The following MYBL1 variants were observed in gnomAD, a reference collection of about 807,000 sequenced individuals.
MYBL1 encodes MYB proto-oncogene like 1.
In MYBL1, 17 loss-of-function variants were observed where a neutral mutation model predicts 96.3. That is an observed-to-expected ratio of 0.18 (90% CI 0.12 to 0.26). MYBL1 has a LOEUF of 0.26. MYBL1 is among the 10% of genes least tolerant of loss of function. The pLI is 1.00. For missense variants in MYBL1, 701 were observed against 882.9 expected, an observed-to-expected ratio of 0.79 and a Z score of 2.61; for synonymous variants, 282 against 292.7, an observed-to-expected ratio of 0.96 and a Z score of 0.37.
intron 8 of MYBL1, among the ~76,000 whole-genome samples, chr8:66,592,192 G>A (rs1029961789): frequency 3.9e-5 from 6 of 152,078 alleles, no homozygotes; most frequent in African/African-American, 1.4e-4. Flanking sequence ...TTGAGCCCAG[G>A]AGGTCAAGGC....
intron 4 of MYBL1, among the ~76,000 whole-genome samples, chr8:66,598,223 T>C (rs926962396): frequency 5.9e-5 from 9 of 152,144 alleles, no homozygotes; most frequent in Non-Finnish European, 1.0e-4. Context: ...TTTTAAAACT[T>C]AGGAGTAGCC....
intron 10 of MYBL1, among the ~76,000 whole-genome samples, chr8:66,574,381 T>C (rs553953699): frequency 7.2e-5 from 11 of 152,296 alleles, no homozygotes; most frequent in African/African-American, 2.6e-4. Flanking sequence ...ACTGCTAGTA[T>C]GCCCAAGCCT....
chr8:66,602,699 C>CTATATATATATA (rs67236935), intron 1 of MYBL1, among the ~76,000 whole-genome samples, 176 bp from the exon 2 acceptor site: 8 of 27,272 alleles, frequency 2.9e-4, no homozygotes, highest in African/African-American at 9.1e-4. Context: ...TGGGGTGGAG[C>CTATATATATATA]TATATATATA....
At chr8:66,580,821 T>C (rs1431330294) in intron 8 of MYBL1, among the ~76,000 whole-genome samples, 3 of 152,038 alleles carry the variant, frequency 2.0e-5, no homozygotes, top group Admixed American at 2.0e-4. Flanking sequence ...TATCTATTAA[T>C]AAAATGCTCT....
intron 12 of MYBL1, among the ~76,000 whole-genome samples, chr8:66,567,844 A>G (rs1808567058): frequency 6.6e-6 from 1 of 152,118 alleles, no homozygotes; most frequent in Non-Finnish European, 1.5e-5. Flanking sequence ...CGGGTGGATC[A>G]TGAAGTCAAG....
Position 66,612,948 on chromosome 8 carries a change from C to A in MYBL1, c.-110G>T. 8.2e-7 allele frequency: 1 copy of A among 1,222,808 alleles called. No homozygotes were observed. Among genetic ancestry groups the A allele is most frequent in the Non-Finnish European group, 1.1e-6 (1 of 940,972 alleles). The allele number at this position is 1,222,808 out of a possible 1,614,324, so 75.7% of individuals were successfully genotyped here. On this transcript the variant is annotated 5_prime_UTR_variant, in exon 1 of 16. Transcript: ENST00000522677. Reference sequence around the variant, plus strand: ...CCTCTAGCCGCTTCCCTCGCTCCCTCTGGAGGCGGCCGAGTGCGGAACGCA... The same window carrying A: ...CCTCTAGCCGCTTCCCTCGCTCCCTATGGAGGCGGCCGAGTGCGGAACGCA...
intron 1 of MYBL1, among the ~76,000 whole-genome samples, chr8:66,607,162 T>C (rs1392366442): frequency 6.6e-6 from 1 of 151,636 alleles, no homozygotes; most frequent in Admixed American, 6.6e-5. Context: ...TCTACAGGCT[T>C]GATTAAATAT....
At chr8:66,564,890 C>A in intron 15 of MYBL1, 65 bp from the exon 16 acceptor site, 1 of 1,093,602 alleles carries the variant, frequency 9.1e-7, no homozygotes, top group Non-Finnish European at 1.2e-6. Flanking sequence ...CACAATTAGA[C>A]TCTTAAAGTC....
chr8:66,598,908 A>C, intron 4 of MYBL1, 142 bp downstream of exon 4: 1 of 435,352 alleles, frequency 2.3e-6, no homozygotes, highest in Non-Finnish European at 3.8e-6. Context: ...CCAGACACTT[A>C]ACATTCAATT....
At position 66,562,571 on chromosome 8, in the gene MYBL1, T is replaced by G. The variant is rs944851440; in HGVS notation, c.*2126A>C. The G allele has an allele frequency of 6.6e-6, 1 of 152,614 alleles. No homozygotes were observed. Among genetic ancestry groups the G allele is most frequent in the African/African-American group, 2.4e-5 (1 of 41,456 alleles). 9.5% of individuals were successfully genotyped at this position (152,614 alleles called of 1,614,324 possible). The stretch of plus-strand genomic sequence containing the variant: ...CAGACTTATCCACAATATATTACCA[T>G]TTAGGATAATTTAATGCTCAAGAAA... On this transcript the variant is annotated 3_prime_UTR_variant, in exon 16 of 16. Coordinates refer to ENST00000522677, the MANE Select transcript of MYBL1 (RefSeq NM_001080416.4).
intron 8 of MYBL1, among the ~76,000 whole-genome samples, chr8:66,583,203 C>T (rs1809286096): frequency 1.3e-5 from 2 of 151,996 alleles, no homozygotes; most frequent in African/African-American, 2.4e-5. Context: ...CTTTTGAAAT[C>T]GTAAACGGAA....
Position 66,601,667 on chromosome 8 carries a change from T to A in MYBL1, c.198+31A>T, listed in dbSNP as rs1810078425. ...TTAACCCAATGCCTTAAACCAGCCA[T>A]GTTAGAAATATAATTTAATATTTCA... On this transcript the variant is annotated intron_variant, in intron 3 of 15. Coordinates refer to ENST00000522677, the MANE Select transcript of MYBL1 (RefSeq NM_001080416.4). 6 of 1,249,404 alleles carry A rather than the reference T, an allele frequency of 4.8e-6. No homozygotes were observed. In the East Asian group the frequency reaches 1.5e-4, roughly 32 times the overall value. 77.4% of individuals were successfully genotyped at this position (1,249,404 alleles called of 1,614,324 possible).
At chr8:66,606,768 G>A (rs556961442) in intron 1 of MYBL1, among the ~76,000 whole-genome samples, 1 of 151,454 alleles carries the variant, frequency 6.6e-6, no homozygotes, top group African/African-American at 2.4e-5. Flanking sequence ...TAATCCACCA[G>A]TTCTCCTTCC....
At chr8:66,588,277 C>CTTT (rs1164357937) in intron 8 of MYBL1, among the ~76,000 whole-genome samples, 5 of 128,842 alleles carry the variant, frequency 3.9e-5, no homozygotes, top group Admixed American at 8.0e-5. Flanking sequence ...ATGTGAATCT[C>CTTT]TTTTTTTTTT....
chr8:66,606,314 T>C lies in MYBL1; in HGVS notation c.21-3791A>G, dbSNP rs116678999. ...CATATATAACACCTCATACAGCACA[T>C]GGCACAGAAAGGTGCCTCAATATTA... On this transcript the variant is annotated intron_variant, in intron 1 of 15. Coordinates refer to ENST00000522677, the MANE Select transcript of MYBL1 (RefSeq NM_001080416.4). 1.9e-3 allele frequency among the ~76,000 whole-genome samples: 282 copies of C among 152,334 alleles called. 1 individual carries two copies. The highest frequency in any genetic ancestry group is 6.4e-3 in the African/African-American group (264 of 41,572).
chr8:66,606,143 G>C (rs1810304343), intron 1 of MYBL1, among the ~76,000 whole-genome samples: 1 of 152,322 alleles, frequency 6.6e-6, no homozygotes, highest in East Asian at 1.9e-4. Flanking sequence ...TTTGGAATCA[G>C]AACAAGGTTC....
chr8:66,591,279 G>A (rs60655524), intron 8 of MYBL1, among the ~76,000 whole-genome samples: 4,848 of 151,900 alleles, frequency 0.032, 113 homozygotes, highest in South Asian at 0.052. Context: ...CCCAGGAGGC[G>A]GAGCTTGCAG....
intron 8 of MYBL1, among the ~76,000 whole-genome samples, chr8:66,591,297 A>T (rs1159200063): frequency 6.6e-6 from 1 of 152,142 alleles, no homozygotes; most frequent in Admixed American, 6.5e-5. Context: ...CAGTGAGCCA[A>T]GATCACGCCA....
chr8:66,585,977 A>G (rs765515853), intron 8 of MYBL1, among the ~76,000 whole-genome samples: 2 of 151,752 alleles, frequency 1.3e-5, no homozygotes, highest in Admixed American at 6.6e-5. Flanking sequence ...TAATATCTAG[A>G]CTAGACAAAA....
Sources: allele counts gnomAD v4.1 joint callset (sites outside exome capture counted in the v4.1 genomes callset), GRCh38; gene constraint gnomAD v4.1.1; transcripts MANE v1.5; gene names NCBI Gene and HGNC (gene_info 2026-07-23, HGNC 2026-07-21).